The following SGCZ variants were observed in gnomAD, a reference collection of about 807,000 sequenced individuals.
SGCZ encodes zeta-sarcoglycan.
SGCZ carries 40 observed loss-of-function variants against 41.3 expected under a neutral mutation model. The observed-to-expected ratio is 0.97, with a 90% CI of 0.75 to 1.26. The LOEUF (loss-of-function observed/expected upper bound fraction) is 1.26, where lower values mean the gene tolerates loss of function less well. SGCZ is among the 50% of genes most tolerant of loss of function. SGCZ has a pLI of 0.00. For missense variants in SGCZ, 552 were observed against 369.8 expected, an observed-to-expected ratio of 1.49 and a Z score of -4.04; for synonymous variants, 206 against 137.5, an observed-to-expected ratio of 1.50 and a Z score of -3.49.
chr8:15,181,539 C>G (rs770265383), intron 1 of SGCZ, among the ~76,000 whole-genome samples: 4 of 152,140 alleles, frequency 2.6e-5, no homozygotes, highest in Non-Finnish European at 5.9e-5. Context: ...TATTCTCTTA[C>G]TAGAAACTGT....
intron 1 of SGCZ, among the ~76,000 whole-genome samples, chr8:14,641,594 G>C (rs555543284): frequency 7.2e-4 from 109 of 151,658 alleles, no homozygotes; most frequent in Non-Finnish European, 1.2e-3. Context: ...TATATTTAAA[G>C]TAATAGCCAA....
intron 2 of SGCZ, among the ~76,000 whole-genome samples, chr8:14,474,961 C>A (rs58116108): frequency 0.017 from 2,586 of 152,214 alleles, 88 homozygotes; most frequent in African/African-American, 0.059. Flanking sequence ...AGCCAAATGT[C>A]TGTACTGAAT....
chr8:14,419,190 A>T (rs11992292), intron 2 of SGCZ, among the ~76,000 whole-genome samples: 18,401 of 151,914 alleles, frequency 0.12, 2,335 homozygotes, highest in African/African-American at 0.32. Context: ...ACCCTACTCA[A>T]TTCAGAAGCT....
chr8:14,262,362 C>A (rs1799704904), intron 3 of SGCZ, among the ~76,000 whole-genome samples: 1 of 152,020 alleles, frequency 6.6e-6, no homozygotes, highest in Non-Finnish European at 1.5e-5. Flanking sequence ...CTTTCTGTGA[C>A]AATGTGAAGG....
At chr8:14,729,375 T>C (rs187302156) in intron 1 of SGCZ, among the ~76,000 whole-genome samples, 11 of 152,282 alleles carry the variant, frequency 7.2e-5, no homozygotes, top group Non-Finnish European at 1.3e-4. Context: ...CCAAAATTCA[T>C]ACATTGAAAC....
chr8:14,681,960 CATA>C (rs992897278), intron 1 of SGCZ, among the ~76,000 whole-genome samples: 1 of 151,594 alleles, frequency 6.6e-6, no homozygotes, highest in African/African-American at 2.4e-5. Flanking sequence ...ATAAATAATC[CATA>C]ATAATAATGA....
chr8:14,134,689 G>T (rs888128603), intron 5 of SGCZ, among the ~76,000 whole-genome samples: 1 of 152,086 alleles, frequency 6.6e-6, no homozygotes, highest in African/African-American at 2.4e-5. Flanking sequence ...CCATGAGCAG[G>T]TGTTAGCTCT....
intron 4 of SGCZ, among the ~76,000 whole-genome samples, chr8:14,233,357 C>G (rs919000501): frequency 6.6e-6 from 1 of 151,510 alleles, no homozygotes; most frequent in Non-Finnish European, 1.5e-5. Flanking sequence ...CTGAAATCAA[C>G]CTATACTTTG....
At chr8:14,197,442 T>A (rs932501462) in intron 4 of SGCZ, among the ~76,000 whole-genome samples, 1 of 152,022 alleles carries the variant, frequency 6.6e-6, no homozygotes, top group African/African-American at 2.4e-5. Flanking sequence ...TTAATAAAAA[T>A]GATAATACAT....
At chr8:14,132,444 T>G (rs1803070115) in intron 5 of SGCZ, among the ~76,000 whole-genome samples, 1 of 152,200 alleles carries the variant, frequency 6.6e-6, no homozygotes, top group South Asian at 2.1e-4. Flanking sequence ...TCCAAAGTCC[T>G]TTGTACCTAA....
intron 3 of SGCZ, among the ~76,000 whole-genome samples, chr8:14,298,399 A>C (rs1801086880): frequency 6.6e-6 from 1 of 152,024 alleles, no homozygotes; most frequent in Non-Finnish European, 1.5e-5. Flanking sequence ...AGATTGAAAA[A>C]AACTATTTCA....
At chr8:14,785,491 C>T (rs775886569) in intron 1 of SGCZ, among the ~76,000 whole-genome samples, 12 of 152,054 alleles carry the variant, frequency 7.9e-5, no homozygotes, top group African/African-American at 1.2e-4. Context: ...CAGTGACTAT[C>T]GAAAAATACC....
intron 1 of SGCZ, among the ~76,000 whole-genome samples, chr8:15,061,656 C>T (rs1388426180): frequency 2.0e-5 from 3 of 151,496 alleles, no homozygotes; most frequent in Admixed American, 6.6e-5. Flanking sequence ...CTACATCTTG[C>T]CATGTGAGGA....
intron 1 of SGCZ, among the ~76,000 whole-genome samples, chr8:14,865,504 G>C (rs926585669): frequency 6.6e-6 from 1 of 152,060 alleles, no homozygotes; most frequent in Non-Finnish European, 1.5e-5. Flanking sequence ...AAAGAAAGTT[G>C]GGTGAGGTCA....
intron 1 of SGCZ, among the ~76,000 whole-genome samples, chr8:14,616,384 C>A (rs1806106930): frequency 6.6e-6 from 1 of 151,968 alleles, no homozygotes; most frequent in Admixed American, 6.6e-5. Context: ...AAAATTTTCT[C>A]TACTTTGGTT....
intron 1 of SGCZ, among the ~76,000 whole-genome samples, chr8:14,958,096 T>C (rs61107981): frequency 0.07 from 10,646 of 152,142 alleles, 575 homozygotes; most frequent in African/African-American, 0.14. Context: ...TTTCACCTTA[T>C]AACATGTTGG....
chr8:14,419,080 G>A (rs906066368), intron 2 of SGCZ, among the ~76,000 whole-genome samples: 1 of 151,518 alleles, frequency 6.6e-6, no homozygotes, highest in Non-Finnish European at 1.5e-5. Context: ...AGAAGCCTAG[G>A]AACAGACCTA....
chr8:14,100,562 ATAT>A (rs1563125997), intron 7 of SGCZ, among the ~76,000 whole-genome samples: 5 of 135,376 alleles, frequency 3.7e-5, no homozygotes, highest in East Asian at 2.6e-4. Flanking sequence ...TTAATATATT[ATAT>A]ATTAATATAT....
intron 1 of SGCZ, among the ~76,000 whole-genome samples, chr8:14,704,300 T>A (rs993473879): frequency 6.6e-6 from 1 of 151,980 alleles, no homozygotes; most frequent in Admixed American, 6.6e-5. Flanking sequence ...AACATAGCTA[T>A]TTTTTATCCC....
Sources: allele counts gnomAD v4.1 joint callset (sites outside exome capture counted in the v4.1 genomes callset), GRCh38; gene constraint gnomAD v4.1.1; transcripts MANE v1.5; gene names NCBI Gene and HGNC (gene_info 2026-07-23, HGNC 2026-07-21).